Variants in MAPKAPK5 observed in about 807,000 individuals in gnomAD.
The protein encoded by MAPKAPK5 is MAPK activated protein kinase 5, also known as MAP kinase-activated protein kinase 5.
In MAPKAPK5, 30 loss-of-function variants were observed where a neutral mutation model predicts 65.1. The observed-to-expected ratio is 0.46, with a 90% CI of 0.34 to 0.63. MAPKAPK5 has a LOEUF of 0.63. Ranked by LOEUF, MAPKAPK5 falls within the 20% of genes least tolerant of loss-of-function variation. MAPKAPK5 has a pLI of 0.01. For synonymous variants in MAPKAPK5, 179 were observed against 204.6 expected (o/e 0.87, Z 1.07); for missense variants, 433 against 581.4 (o/e 0.74, Z 2.63).
intron 8 of MAPKAPK5, among the ~76,000 whole-genome samples, chr12:111,881,415 T>TTTTTTTTTTTTTTTTG (rs2070219055): frequency 7.7e-6 from 1 of 129,790 alleles, no homozygotes. Context: ...TTTTTTTTTT[T>TTTTTTTTTTTTTTTTG]TTTTTTTGAG....
In MAPKAPK5 at chr12:111,867,251, G is replaced by A. The variant is rs554812739; in HGVS notation, c.187-321G>A. Among the ~76,000 whole-genome samples, 18 of 152,274 alleles carry A rather than the reference G, an allele frequency of 1.2e-4. No individual in the cohort carries two copies. The South Asian group carries it at 3.7e-3, about 32-fold the overall frequency. On this transcript the variant is annotated intron_variant, in intron 3 of 13. Transcript: ENST00000550735. Reference sequence around the variant, plus strand: ...TTATACATTGGTTTTAAACTATCTGGATATGGTAATGACATTCTAATAACA... The same window carrying A: ...TTATACATTGGTTTTAAACTATCTGAATATGGTAATGACATTCTAATAACA...
chr12:111,865,936 C>T (rs939737365), intron 2 of MAPKAPK5, among the ~76,000 whole-genome samples: 7 of 151,922 alleles, frequency 4.6e-5, no homozygotes, highest in African/African-American at 1.7e-4. Context: ...GACCCACAGC[C>T]CCAAAAGCAT....
rs1310811298 is a variant in MAPKAPK5, at chr12:111,901,091, G to T, written c.*8030G>T. ...CAAAAATCAATCTCCAACATACAAT[G>T]ATTCAGGTCCCTCAGGGAGATGGCT... On this transcript the variant is annotated 3_prime_UTR_variant, in exon 14 of 14. Transcript: ENST00000550735. 2 of 456,076 alleles carry T rather than the reference G, an allele frequency of 4.4e-6. No homozygotes were observed. The highest frequency in any genetic ancestry group is 4.7e-5 in the Admixed American group (2 of 42,568). 28.3% of individuals were successfully genotyped at this position (456,076 alleles called of 1,614,324 possible).
chr12:111,871,624 C>G (rs1371348173), intron 7 of MAPKAPK5, among the ~76,000 whole-genome samples: 1 of 152,024 alleles, frequency 6.6e-6, no homozygotes, highest in Non-Finnish European at 1.5e-5. Context: ...GCTTGGGCGA[C>G]AGAGCGAGAC....
chr12:111,874,135 C>T (rs933521010), intron 7 of MAPKAPK5, among the ~76,000 whole-genome samples: 2 of 152,138 alleles, frequency 1.3e-5, no homozygotes, highest in Non-Finnish European at 2.9e-5. Context: ...TGGTTCACGC[C>T]TGTTATACCA....
chr12:111,872,987 CTG>C (rs1483295589), intron 7 of MAPKAPK5, among the ~76,000 whole-genome samples: 4 of 152,116 alleles, frequency 2.6e-5, no homozygotes, highest in Non-Finnish European at 5.9e-5. Context: ...TCATCTCAGT[CTG>C]TGACTTGCCT....
chr12:111,849,160 G>T (rs966417141), intron 1 of MAPKAPK5, among the ~76,000 whole-genome samples: 1 of 151,476 alleles, frequency 6.6e-6, no homozygotes, highest in African/African-American at 2.4e-5. Context: ...TGCCCAGGCT[G>T]GTCTTGAACT....
At chr12:111,876,027 G>GA (rs1348196087) in intron 7 of MAPKAPK5, among the ~76,000 whole-genome samples, 2 of 151,738 alleles carry the variant, frequency 1.3e-5, no homozygotes, top group Admixed American at 6.6e-5. Context: ...TGAACATGGT[G>GA]AAACCCCGTC....
chr12:111,890,099 G>T lies in MAPKAPK5; in HGVS notation c.1276G>T (p.Glu426Ter). The change falls in exon 13 of 14, where the codon GAA (glutamate) becomes TAA (stop). Residue 426 changes from glutamate to a stop codon, truncating the protein, a stop_gained. Transcript: ENST00000550735. LOFTEE classifies it high-confidence loss of function. ...VMQEAWKYNR[E>*]CKLLRDTLQS... ...GCAGGAGGCTTGGAAGTATAACCGG[G>T]AATGCAAACTCCTAAGAGATACTCT... 1 of 1,599,622 alleles carries T rather than the reference G, an allele frequency of 6.3e-7. No individual in the cohort carries two copies. Among genetic ancestry groups the T allele is most frequent in the Non-Finnish European group, 8.5e-7 (1 of 1,173,394 alleles).
In MAPKAPK5 at chr12:111,899,585, G is replaced by A; in HGVS notation, c.*6524G>A. The A allele has an allele frequency of 4.0e-6, 1 of 247,572 alleles. No homozygotes were observed. Among genetic ancestry groups the A allele is most frequent in the Non-Finnish European group, 8.1e-6 (1 of 122,894 alleles). The allele number at this position is 247,572 out of a possible 1,614,324, so 15.3% of individuals were successfully genotyped here. A position where few individuals can be genotyped will look rare whatever the true frequency, so the allele number is the denominator to read the frequency against. ...ACTTGTTACTTATGCAAGGCCAGAAGCACCTGGTTCATCTGAAGGTGAAGA... is the reference window on the plus strand; with the variant it reads ...ACTTGTTACTTATGCAAGGCCAGAAACACCTGGTTCATCTGAAGGTGAAGA... On this transcript the variant is annotated 3_prime_UTR_variant, in exon 14 of 14. Coordinates refer to ENST00000550735, the MANE Select transcript of MAPKAPK5 (RefSeq NM_003668.4).
chr12:111,875,288 G>A (rs1470984508), intron 7 of MAPKAPK5, among the ~76,000 whole-genome samples: 1 of 152,156 alleles, frequency 6.6e-6, no homozygotes, highest in Non-Finnish European at 1.5e-5. Context: ...TGAGCTGAGT[G>A]TGAGTTTTGT....
intron 7 of MAPKAPK5, among the ~76,000 whole-genome samples, chr12:111,878,863 C>A (rs1273685105): frequency 6.6e-6 from 1 of 152,182 alleles, no homozygotes; most frequent in African/African-American, 2.4e-5. Flanking sequence ...TTATTCTATT[C>A]CATTGATCTC....
At chr12:111,853,567 C>T (rs1422764825) in intron 1 of MAPKAPK5, among the ~76,000 whole-genome samples, 1 of 152,054 alleles carries the variant, frequency 6.6e-6, no homozygotes, top group East Asian at 1.9e-4. Flanking sequence ...TGGAGTCTCT[C>T]TCTGTTGCCC....
At chr12:111,882,832 A>G in intron 8 of MAPKAPK5, 1 of 985,430 alleles carries the variant, frequency 1.0e-6, no homozygotes, top group Non-Finnish European at 1.2e-6. Flanking sequence ...GCCTTTATGA[A>G]GTGGCCTGTG....
At chr12:111,869,709 A>G (rs537185608) in intron 5 of MAPKAPK5, among the ~76,000 whole-genome samples, 7 of 152,226 alleles carry the variant, frequency 4.6e-5, no homozygotes, top group Non-Finnish European at 8.8e-5. Flanking sequence ...TTCAAATATT[A>G]GGATTAAAGG....
At chr12:111,858,301 A>G (rs937845294) in intron 1 of MAPKAPK5, among the ~76,000 whole-genome samples, 1 of 151,936 alleles carries the variant, frequency 6.6e-6, no homozygotes, top group Non-Finnish European at 1.5e-5. Flanking sequence ...GCCATAGGTT[A>G]TTACTGTTCA....
intron 13 of MAPKAPK5, 27 bp downstream of exon 13, chr12:111,890,171 C>A: frequency 1.4e-6 from 2 of 1,452,692 alleles, no homozygotes; most frequent in Non-Finnish European, 1.9e-6. Context: ...ACTCCCTTCC[C>A]CAGGAATGCA....
intron 3 of MAPKAPK5, among the ~76,000 whole-genome samples, chr12:111,867,296 T>A (rs1323410592): frequency 6.6e-6 from 1 of 152,184 alleles, no homozygotes; most frequent in Non-Finnish European, 1.5e-5. Flanking sequence ...AAGGACTTCT[T>A]TTGCATAAAG....
intron 9 of MAPKAPK5, among the ~76,000 whole-genome samples, chr12:111,884,333 C>T (rs758754747): frequency 6.6e-6 from 1 of 152,310 alleles, no homozygotes; most frequent in East Asian, 1.9e-4. Flanking sequence ...GCCTCAGCCT[C>T]GGCAGTAGCT....
Sources: allele counts gnomAD v4.1 joint callset (sites outside exome capture counted in the v4.1 genomes callset), GRCh38; gene constraint gnomAD v4.1.1; transcripts MANE v1.5; gene names NCBI Gene and HGNC (gene_info 2026-07-23, HGNC 2026-07-21).